The following COL13A1 variants were observed in gnomAD, a reference collection of about 807,000 sequenced individuals.
COL13A1 encodes collagen alpha-1(XIII) chain.
COL13A1 carries 89 observed loss-of-function variants against 130.9 expected under a neutral mutation model. That is an observed-to-expected ratio of 0.68 (90% CI 0.57 to 0.81). The LOEUF is 0.81. Ranked by LOEUF, COL13A1 falls within the 30% of genes least tolerant of loss-of-function variation. The pLI is 0.00. For synonymous variants in COL13A1, 402 were observed against 341.6 expected (o/e 1.18, Z -1.95); for missense variants, 879 against 934.6 (o/e 0.94, Z 0.78).
intron 2 of COL13A1, among the ~76,000 whole-genome samples, 173 bp downstream of exon 2, chr10:69,822,611 C>T (rs1243471227): frequency 1.3e-5 from 2 of 152,202 alleles, no homozygotes; most frequent in Non-Finnish European, 2.9e-5. Context: ...GGCCTGCCTG[C>T]CCCGCATCCA....
rs1455647661 is a variant in COL13A1 at position 69,820,752 on chromosome 10, C to T, written c.295-1617C>T. Reference sequence around the variant, plus strand: ...CTCGGCCCCCTTCTGCCCTCAGAGCCCCCCATCCCATCTGTCACTGTGTTC... The same window carrying T: ...CTCGGCCCCCTTCTGCCCTCAGAGCTCCCCATCCCATCTGTCACTGTGTTC... On this transcript the variant is annotated intron_variant, in intron 1 of 40. Coordinates refer to ENST00000645393, the MANE Select transcript of COL13A1 (RefSeq NM_001368882.1). 2.0e-5 allele frequency among the ~76,000 whole-genome samples: 3 copies of T among 152,222 alleles called. No homozygotes were observed. In the East Asian group the frequency reaches 5.8e-4, roughly 29 times the overall value.
intron 35 of COL13A1, 38 bp from the exon 36 acceptor site, chr10:69,944,087 G>A (rs2068072047): frequency 2.5e-6 from 4 of 1,578,144 alleles, no homozygotes; most frequent in Non-Finnish European, 3.5e-6. Flanking sequence ...TCCCCAGAGT[G>A]TGGGGACCCT....
chr10:69,813,063 C>G (rs551573425), intron 1 of COL13A1, among the ~76,000 whole-genome samples: 43 of 152,372 alleles, frequency 2.8e-4, no homozygotes, highest in African/African-American at 6.5e-4. Flanking sequence ...GGAGCAGCCT[C>G]AGTCTGCTTT....
chr10:69,917,269 T>C lies in COL13A1; in HGVS notation c.922-20T>C, dbSNP rs755616299. 9 of 1,613,614 alleles carry C rather than the reference T, an allele frequency of 5.6e-6. No individual in the cohort carries two copies. The Admixed American group carries it at 1.2e-4, about 21-fold the overall frequency. ...CCCGAGTCTGGTCCTCTCCTCATGC[T>C]TTCTCATTTCTTCCTCCAGGGAGAA... On this transcript the variant is annotated intron_variant, in intron 17 of 40. Coordinates refer to ENST00000645393, the MANE Select transcript of COL13A1 (RefSeq NM_001368882.1).
intron 2 of COL13A1, among the ~76,000 whole-genome samples, chr10:69,837,247 A>C (rs1451525559): frequency 6.6e-6 from 1 of 152,240 alleles, no homozygotes; most frequent in Non-Finnish European, 1.5e-5. Flanking sequence ...GGGGGACCTT[A>C]CCAATGATCC....
In COL13A1 at chr10:69,802,532, G is replaced by A. The variant is rs1355316916; in HGVS notation, c.109G>A (p.Ala37Thr). 1.3e-6 allele frequency: 2 copies of A among 1,587,986 alleles called. No individual in the cohort carries two copies. Among genetic ancestry groups the A allele is most frequent in the Admixed American group, 1.8e-5 (1 of 56,778 alleles). The part of the protein sequence containing the change: ...ALVAARAERG[A>T]RLPSPGSCGL... ...GGTGGCGGCGCGGGCGGAGCGCGGC[G>A]CACGGCTGCCGAGTCCAGGGTCGTG... The change falls in exon 1 of 41, where the codon GCA becomes ACA. Residue 37 changes from alanine (A) to threonine (T), a missense_variant. Physicochemically the swap from Ala to Thr is moderately conservative, Grantham distance 58 (BLOSUM62 0). Around this residue, in one of 3 missense-constraint regions of COL13A1, gnomAD observed 715 missense variants for 721.0 expected, o/e 0.99. Transcript: ENST00000645393.
At chr10:69,929,929 G>GAGC in intron 28 of COL13A1, 114 bp from the exon 29 acceptor site, 1 of 877,682 alleles carries the variant, frequency 1.1e-6, no homozygotes, top group East Asian at 2.6e-5. Context: ...AGAATTAAAT[G>GAGC]AGCAAACTCT....
chr10:69,816,347 G>T (rs1036818852), intron 1 of COL13A1, among the ~76,000 whole-genome samples: 2 of 151,070 alleles, frequency 1.3e-5, no homozygotes, highest in African/African-American at 4.9e-5. Context: ...TGATGGTAGG[G>T]GCAGGTCCAA....
At chr10:69,944,862 C>T (rs142814893) in intron 36 of COL13A1, among the ~76,000 whole-genome samples, 97 of 152,298 alleles carry the variant, frequency 6.4e-4, no homozygotes, top group African/African-American at 2.2e-3. Context: ...AGGGAAACTG[C>T]ATGGAACAGA....
chr10:69,940,691 G>A (rs1000418037), intron 34 of COL13A1, among the ~76,000 whole-genome samples: 2 of 152,090 alleles, frequency 1.3e-5, no homozygotes, highest in African/African-American at 4.8e-5. Flanking sequence ...TTCTGAGAGG[G>A]AATAAAGGGA....
intron 1 of COL13A1, among the ~76,000 whole-genome samples, chr10:69,812,987 G>C (rs1376503835): frequency 6.6e-6 from 1 of 152,212 alleles, no homozygotes; most frequent in Non-Finnish European, 1.5e-5. Flanking sequence ...GATGACAATG[G>C]CTGCCCCACA....
At chr10:69,860,006 G>C (rs1018740954) in intron 2 of COL13A1, among the ~76,000 whole-genome samples, 1 of 152,204 alleles carries the variant, frequency 6.6e-6, no homozygotes, top group Non-Finnish European at 1.5e-5. Context: ...TCTGAGTAGA[G>C]ACCAACGTGG....
chr10:69,935,455 G>A, intron 32 of COL13A1, 64 bp downstream of exon 32: 2 of 1,266,004 alleles, frequency 1.6e-6, no homozygotes, highest in South Asian at 3.0e-5. Flanking sequence ...CAGTCACTGG[G>A]CTCAACCTCA....
Position 69,802,605 on chromosome 10 carries a change from C to A in COL13A1, c.182C>A (p.Ala61Asp), listed in dbSNP as rs540525763. 2 of 1,612,968 alleles carry A rather than the reference C, an allele frequency of 1.2e-6. No homozygotes were observed. Among genetic ancestry groups the A allele is most frequent in the East Asian group, 4.5e-5 (2 of 44,838 alleles). The part of the protein sequence containing the change: ...ALCSLALSLL[A>D]HFRTAELQAR... ...TGCTCGCTGGCACTCAGCCTGCTCG[C>A]CCACTTTCGGACGGCCGAGCTGCAG... The change falls in exon 1 of 41, where the codon GCC becomes GAC. Residue 61 changes from alanine (A) to aspartate (D), a missense_variant. Ala to Asp is a moderately radical substitution (Grantham distance 126). Around this residue, in one of 3 missense-constraint regions of COL13A1, gnomAD observed 715 missense variants for 721.0 expected, o/e 0.99. Coordinates refer to ENST00000645393, the MANE Select transcript of COL13A1 (RefSeq NM_001368882.1).
intron 7 of COL13A1, among the ~76,000 whole-genome samples, chr10:69,882,070 C>A (rs1340898145): frequency 6.6e-6 from 1 of 152,224 alleles, no homozygotes; most frequent in African/African-American, 2.4e-5. Flanking sequence ...GGAGGTGCAG[C>A]ACCAATGCCC....
At chr10:69,880,688 C>T (rs2060047196) in intron 7 of COL13A1, 135 bp downstream of exon 7, 2 of 866,380 alleles carry the variant, frequency 2.3e-6, no homozygotes, top group African/African-American at 1.7e-5. Flanking sequence ...GTGATGTGGT[C>T]AGCCCAGCCA....
chr10:69,934,514 G>A (rs1252885676), intron 31 of COL13A1, among the ~76,000 whole-genome samples: 1 of 152,210 alleles, frequency 6.6e-6, no homozygotes, highest in Non-Finnish European at 1.5e-5. Flanking sequence ...CATGCTCCAG[G>A]GAATTCTACC....
Position 69,810,218 on chromosome 10 carries a change from T to C in COL13A1, c.294+7501T>C, listed in dbSNP as rs566407416. On this transcript the variant is annotated intron_variant, in intron 1 of 40. Coordinates refer to ENST00000645393, the MANE Select transcript of COL13A1 (RefSeq NM_001368882.1). ...TTGCATTAGAATCGCCTGGGGAGCT[T>C]TCAAAACACGCCAGGCCAATTGTTC... Among the ~76,000 whole-genome samples the C allele has an allele frequency of 1.4e-4, 21 of 152,212 alleles. No individual in the cohort carries two copies. The East Asian group carries it at 4.1e-3, about 29-fold the overall frequency.
chr10:69,825,693 G>A (rs1314362059), intron 2 of COL13A1, among the ~76,000 whole-genome samples: 2 of 152,224 alleles, frequency 1.3e-5, no homozygotes, highest in Admixed American at 6.5e-5. Context: ...AGGCCAAGCC[G>A]GAGTCCTGCG....
Sources: gnomAD v4.1 joint callset for allele counts (sites outside exome capture counted in the v4.1 genomes callset) on GRCh38, gnomAD v4.1.1 for gene constraint, gnomAD v4.1.1 regional missense constraint, MANE v1.5 for transcripts, NCBI Gene and HGNC (gene_info 2026-07-23, HGNC 2026-07-21) for gene names.